PNLIPRP3: variants seen among roughly 807,000 people sequenced by gnomAD.
PNLIPRP3 encodes the protein pancreatic lipase related protein 3.
In PNLIPRP3, 58 loss-of-function variants were observed where a neutral mutation model predicts 52.8. The observed-to-expected ratio is 1.10, with a 90% CI of 0.89 to 1.37. The LOEUF is 1.37. Ranked by LOEUF, PNLIPRP3 falls within the 40% of genes most tolerant of loss-of-function variation. PNLIPRP3 has a pLI of 0.00. For missense variants in PNLIPRP3, 593 were observed against 561.6 expected (o/e 1.06, Z -0.57); for synonymous variants, 192 against 185.0 (o/e 1.04, Z -0.31).
At chr10:116,438,685 C>A (rs955484901) in intron 2 of PNLIPRP3, among the ~76,000 whole-genome samples, 24 of 152,220 alleles carry the variant, frequency 1.6e-4, no homozygotes, top group Admixed American at 1.3e-3. Flanking sequence ...TGTTTTTCAA[C>A]AACCAAGATA....
rs1846187363 is a variant in PNLIPRP3 at position 116,461,212 on chromosome 10, A to G, written c.730A>G (p.Asn244Asp). 2 of 1,613,868 alleles carry G rather than the reference A, an allele frequency of 1.2e-6. No homozygotes were observed. Among genetic ancestry groups the G allele is most frequent in the African/African-American group, 1.3e-5 (1 of 74,892 alleles). ...DACGHLDFYP[N>D]GGKHMPGCED... ...TTGTGGTCATCTTGACTTTTACCCA[A>G]ATGGAGGGAAGCACATGCCAGGATG... is the stretch of plus-strand genomic sequence containing the variant. Residue 244 changes from asparagine to aspartate, a missense_variant, in exon 7 of 12, where the codon AAT (asparagine) becomes GAT (aspartate). Coordinates refer to ENST00000369230, the MANE Select transcript of PNLIPRP3 (RefSeq NM_001011709.3).
chr10:116,435,979 C>T (rs1845768525), intron 1 of PNLIPRP3, among the ~76,000 whole-genome samples: 10 of 152,154 alleles, frequency 6.6e-5, no homozygotes, highest in Admixed American at 6.5e-4. Flanking sequence ...CAGTGTGATA[C>T]TGACATAAAA....
At chr10:116,466,802 G>A (rs148365798) in intron 8 of PNLIPRP3, among the ~76,000 whole-genome samples, 1 of 152,332 alleles carries the variant, frequency 6.6e-6, no homozygotes, top group African/African-American at 2.4e-5. Flanking sequence ...AATGTGGGCT[G>A]TTCAGCTGAA....
intron 5 of PNLIPRP3, 35 bp downstream of exon 5, chr10:116,455,865 T>G: frequency 2.0e-6 from 3 of 1,466,238 alleles, no homozygotes; most frequent in Non-Finnish European, 2.9e-6. Flanking sequence ...TTGAGTGTGT[T>G]TAAATATTGT....
rs1483390962 is a variant in PNLIPRP3, at chr10:116,477,767, A to G, written c.*614A>G. 6.6e-6 allele frequency: 1 copy of G among 152,164 alleles called. No homozygotes were observed. Among genetic ancestry groups the G allele is most frequent in the East Asian group, 1.9e-4 (1 of 5,170 alleles). The allele number at this position is 152,164 out of a possible 1,614,324, so 9.4% of individuals were successfully genotyped here. On this transcript the variant is annotated 3_prime_UTR_variant, in exon 12 of 12. Transcript: ENST00000369230. The stretch of plus-strand genomic sequence containing the variant: ...TCTGTTATGTGTTCATCAGTTAGCA[A>G]TGGGACCTGAAGTTCAACAACCCAG...
intron 2 of PNLIPRP3, chr10:116,440,119 G>C: frequency 1.6e-6 from 1 of 642,814 alleles, no homozygotes; most frequent in South Asian, 1.8e-5. Context: ...CAAGTATTTG[G>C]GGGCACCTTC....
In PNLIPRP3 at chr10:116,477,290, G is replaced by A. The variant is rs181716879; in HGVS notation, c.*137G>A. Reference sequence around the variant, plus strand: ...AAGGGTCTTACTCAGAGTCAAGTACGGGTTTGCTTTTTTTCTGTGTAGAAT... The same window carrying A: ...AAGGGTCTTACTCAGAGTCAAGTACAGGTTTGCTTTTTTTCTGTGTAGAAT... On this transcript the variant is annotated 3_prime_UTR_variant, in exon 12 of 12. Transcript: ENST00000369230. 451 of 587,830 alleles carry A rather than the reference G, an allele frequency of 7.7e-4. No individual in the cohort carries two copies. The highest frequency in any genetic ancestry group is 9.3e-4 in the Non-Finnish European group (332 of 356,624). 36.4% of individuals were successfully genotyped at this position (587,830 alleles called of 1,614,324 possible).
At chr10:116,460,333 A>G (rs917454755) in intron 5 of PNLIPRP3, among the ~76,000 whole-genome samples, 2 of 152,258 alleles carry the variant, frequency 1.3e-5, no homozygotes, top group Non-Finnish European at 2.9e-5. Context: ...GTGAAAGATC[A>G]TAACATTTTA....
chr10:116,471,707 C>G, intron 9 of PNLIPRP3, 61 bp from the exon 10 acceptor site: 2 of 1,261,572 alleles, frequency 1.6e-6, no homozygotes, highest in Non-Finnish European at 2.3e-6. Flanking sequence ...TCCAGGAAGT[C>G]ATACTTCCCA....
At chr10:116,460,147 T>TA (rs558098138) in intron 5 of PNLIPRP3, among the ~76,000 whole-genome samples, 39 of 152,156 alleles carry the variant, frequency 2.6e-4, no homozygotes, top group Non-Finnish European at 5.0e-4. Context: ...GGATAACACT[T>TA]ATGATCACCA....
intron 7 of PNLIPRP3, among the ~76,000 whole-genome samples, chr10:116,464,399 G>A (rs1056427342): frequency 6.6e-6 from 1 of 152,214 alleles, no homozygotes; most frequent in African/African-American, 2.4e-5. Context: ...CAGTGCCTCT[G>A]CTTGAGTTTC....
Position 116,444,510 on chromosome 10 carries a change from C to T in PNLIPRP3, c.453C>T (p.Leu151=). 1.2e-6 allele frequency: 2 copies of T among 1,611,700 alleles called. No individual in the cohort carries two copies. Among genetic ancestry groups the T allele is most frequent in the Non-Finnish European group, 1.7e-6 (2 of 1,179,054 alleles). The change falls in exon 4 of 12, where the codon CTC becomes CTT. Residue 151 remains leucine (L), a synonymous_variant. Transcript: ENST00000369230. ...GAEVAYFIDV[L]MKKFEYSPSK... ...AGGTGGCTTATTTTATTGATGTTCTCATGGTAAGAAGAGTTGATTTTTTTT... is the reference window on the plus strand; with the variant it reads ...AGGTGGCTTATTTTATTGATGTTCTTATGGTAAGAAGAGTTGATTTTTTTT...
Position 116,477,314 on chromosome 10 carries a change from A to G in PNLIPRP3, c.*161A>G. On this transcript the variant is annotated 3_prime_UTR_variant, in exon 12 of 12. Coordinates refer to ENST00000369230, the MANE Select transcript of PNLIPRP3 (RefSeq NM_001011709.3). ...CGGGTTTGCTTTTTTTCTGTGTAGA[A>G]TGTTCATCTAACTGCACCTTAAAAA... 1 of 493,292 alleles carries G rather than the reference A, an allele frequency of 2.0e-6. No individual in the cohort carries two copies. The highest frequency in any genetic ancestry group is 3.5e-6 in the Non-Finnish European group (1 of 284,882). 30.6% of individuals were successfully genotyped at this position (493,292 alleles called of 1,614,324 possible).
At chr10:116,431,422 C>A (rs767657920) in intron 1 of PNLIPRP3, among the ~76,000 whole-genome samples, 1 of 152,020 alleles carries the variant, frequency 6.6e-6, no homozygotes, top group Non-Finnish European at 1.5e-5. Context: ...TATTCAAACT[C>A]CTGGGGGCCA....
Position 116,444,486 on chromosome 10 carries a change from G to A in PNLIPRP3, c.429G>A (p.Glu143=), listed in dbSNP as rs2133122456. The change falls in exon 4 of 12, where the codon GAG becomes GAA. Residue 143 remains glutamate, a synonymous_variant. Coordinates refer to ENST00000369230, the MANE Select transcript of PNLIPRP3 (RefSeq NM_001011709.3). The part of the protein sequence containing the change: ...AVNNLRVVGA[E]VAYFIDVLMK... ...ACAATCTCCGTGTTGTTGGTGCTGAGGTGGCTTATTTTATTGATGTTCTCA... is the reference window on the plus strand; with the variant it reads ...ACAATCTCCGTGTTGTTGGTGCTGAAGTGGCTTATTTTATTGATGTTCTCA... 6.2e-7 allele frequency: 1 copy of A among 1,613,542 alleles called. No homozygotes were observed. The highest frequency in any genetic ancestry group is 8.5e-7 in the Non-Finnish European group (1 of 1,179,678).
intron 4 of PNLIPRP3, among the ~76,000 whole-genome samples, chr10:116,453,448 C>T (rs757706911): frequency 9.9e-5 from 15 of 151,946 alleles, no homozygotes; most frequent in Non-Finnish European, 1.6e-4. Flanking sequence ...CAATGTGAAA[C>T]GGACATGAGG....
rs1845659270 is a variant in PNLIPRP3 at position 116,427,894 on chromosome 10, A to G, written c.-119A>G. ...TGGAATAACATGTTCTTTTAAACGT[A>G]GAGTTTAAACATTGAGTTGCATCAT... is the stretch of plus-strand genomic sequence containing the variant. On this transcript the variant is annotated 5_prime_UTR_variant, in exon 1 of 12. Coordinates refer to ENST00000369230, the MANE Select transcript of PNLIPRP3 (RefSeq NM_001011709.3). 5.3e-6 allele frequency: 4 copies of G among 758,788 alleles called. No individual in the cohort carries two copies. Among genetic ancestry groups the G allele is most frequent in the Admixed American group, 4.4e-5 (2 of 44,972 alleles). 47.0% of individuals were successfully genotyped at this position (758,788 alleles called of 1,614,324 possible).
intron 2 of PNLIPRP3, chr10:116,440,037 T>A (rs890792419): frequency 2.7e-6 from 2 of 754,686 alleles, no homozygotes; most frequent in African/African-American, 3.4e-5. Flanking sequence ...AGGGGTCACC[T>A]TTAGCCATCC....
At chr10:116,433,029 G>A (rs1001067862) in intron 1 of PNLIPRP3, among the ~76,000 whole-genome samples, 3 of 142,276 alleles carry the variant, frequency 2.1e-5, no homozygotes, top group South Asian at 2.3e-4. Context: ...CAGGAGAATC[G>A]CTTGAACCTG....
Sources: allele counts gnomAD v4.1 joint callset (sites outside exome capture counted in the v4.1 genomes callset), GRCh38; gene constraint gnomAD v4.1.1; transcripts MANE v1.5; gene names NCBI Gene and HGNC (gene_info 2026-07-23, HGNC 2026-07-21).